KIAA1671: variants seen among roughly 807,000 people sequenced by gnomAD.
KIAA1671 encodes the protein KIAA1671.
KIAA1671 carries 52 observed loss-of-function variants against 131.2 expected under a neutral mutation model. The observed-to-expected ratio is 0.40, with a 90% confidence interval of 0.32 to 0.50. The LOEUF (loss-of-function observed/expected upper bound fraction) is 0.50, where lower values mean the gene tolerates loss of function less well. KIAA1671 is among the 20% of genes least tolerant of loss of function. The pLI, the probability that KIAA1671 is intolerant of heterozygous loss-of-function variation, is 0.73. For missense variants in KIAA1671, 2,360 were observed against 2,364.2 expected, an observed-to-expected ratio of 1.00 and a Z score of 0.04; for synonymous variants, 1,003 against 961.6, an observed-to-expected ratio of 1.04 and a Z score of -0.80.
chr22:25,157,254 C>G (rs983950829), intron 6 of KIAA1671, among the ~76,000 whole-genome samples: 1 of 152,236 alleles, frequency 6.6e-6, no homozygotes, highest in Admixed American at 6.5e-5. Context: ...TCCTCGTCCT[C>G]TAGTCACGCA....
chr22:25,042,500 A>G (rs2145809811), intron 5 of KIAA1671, among the ~76,000 whole-genome samples: 1 of 124,720 alleles, frequency 8.0e-6, no homozygotes, highest in South Asian at 2.5e-4. Flanking sequence ...GGAGTCTCAC[A>G]CTGTCACCTG....
chr22:25,048,701 A>G (rs1204828429), intron 5 of KIAA1671, among the ~76,000 whole-genome samples: 3 of 152,196 alleles, frequency 2.0e-5, no homozygotes, highest in African/African-American at 4.8e-5. Flanking sequence ...TGTGCTGTTC[A>G]TGCACCGTTT....
chr22:25,033,266 C>T (rs1926389350), intron 4 of KIAA1671, among the ~76,000 whole-genome samples: 1 of 151,884 alleles, frequency 6.6e-6, no homozygotes, highest in African/African-American at 2.4e-5. Context: ...TGTGGTTGTG[C>T]ATGCCTATAG....
intron 6 of KIAA1671, among the ~76,000 whole-genome samples, chr22:25,152,196 T>C (rs901590773): frequency 6.6e-6 from 1 of 152,248 alleles, no homozygotes; most frequent in African/African-American, 2.4e-5. Context: ...TTCTGTCTTA[T>C]AAATAATGCT....
chr22:25,099,539 TTTTTTG>T (rs371063487), intron 6 of KIAA1671, among the ~76,000 whole-genome samples: 11,800 of 29,814 alleles, frequency 0.4, 2,510 homozygotes, highest in African/African-American at 0.64. Flanking sequence ...AAATGTGGGT[TTTTTTG>T]TTTTTTTTTT....
chr22:25,050,876 G>A (rs1201044487), intron 6 of KIAA1671: 1 of 152,232 alleles, frequency 6.6e-6, no homozygotes, highest in Admixed American at 6.5e-5. Context: ...AGATAGCTCT[G>A]ACTTAGCTTA....
At chr22:25,025,243 A>G (rs967028471) in intron 1 of KIAA1671, among the ~76,000 whole-genome samples, 1 of 136,458 alleles carries the variant, frequency 7.3e-6, no homozygotes, top group Non-Finnish European at 1.6e-5. Context: ...ATTCTAGGCA[A>G]TCAGTCCTAT....
At chr22:25,155,214 T>C (rs1254418061) in intron 6 of KIAA1671, among the ~76,000 whole-genome samples, 1 of 152,252 alleles carries the variant, frequency 6.6e-6, no homozygotes, top group Non-Finnish European at 1.5e-5. Flanking sequence ...GCAGTCATTG[T>C]TTTGAATGGA....
chr22:25,032,476 A>T, intron 3 of KIAA1671, 133 bp from the exon 4 acceptor site: 1 of 539,052 alleles, frequency 1.9e-6, no homozygotes, highest in African/African-American at 1.9e-5. Flanking sequence ...CCCACTGGGC[A>T]GTTCTCCTTT....
At chr22:25,153,203 TA>T (rs2145980659) in intron 6 of KIAA1671, among the ~76,000 whole-genome samples, 1 of 152,342 alleles carries the variant, frequency 6.6e-6, no homozygotes, top group South Asian at 2.1e-4. Flanking sequence ...CATTGAAAGA[TA>T]TTTTTCCCAC....
chr22:25,009,217 T>G (rs1178884850), intron 1 of KIAA1671, among the ~76,000 whole-genome samples: 1 of 151,728 alleles, frequency 6.6e-6, no homozygotes, highest in Non-Finnish European at 1.5e-5. Flanking sequence ...GGGATGTTGT[T>G]TGGTGTTTAT....
intron 6 of KIAA1671, among the ~76,000 whole-genome samples, chr22:25,128,376 G>A (rs751358724): frequency 4.6e-4 from 70 of 152,214 alleles, no homozygotes; most frequent in Admixed American, 9.8e-4. Context: ...CAAGCTCCTA[G>A]CTGGCTTCAC....
Position 25,174,503 on chromosome 22 carries a change from C to T in KIAA1671, c.4899+14C>T. The T allele has an allele frequency of 6.7e-7, 1 of 1,493,540 alleles. No individual in the cohort carries two copies. The highest frequency in any genetic ancestry group is 9.0e-7 in the Non-Finnish European group (1 of 1,116,602). The allele number at this position is 1,493,540 out of a possible 1,614,324, so 92.5% of individuals were successfully genotyped here. A position where few individuals can be genotyped will look rare whatever the true frequency, so the allele number is the denominator to read the frequency against. On this transcript the variant is annotated intron_variant, in intron 8 of 12. Transcript: ENST00000358431. ...TCCTTCATTGATGTAAGTCAGTGGC[C>T]AGGAGCATTTCTTCTTAAATGGAAA...
At chr22:24,984,174 G>A (rs1199512054) in intron 1 of KIAA1671, among the ~76,000 whole-genome samples, 3 of 152,116 alleles carry the variant, frequency 2.0e-5, no homozygotes, top group Non-Finnish European at 4.4e-5. Context: ...AATTAGGAAG[G>A]GGCATGACAG....
intron 1 of KIAA1671, among the ~76,000 whole-genome samples, chr22:24,979,311 C>T (rs1351535062): frequency 4.0e-5 from 6 of 149,950 alleles, no homozygotes; most frequent in African/African-American, 7.3e-5. Flanking sequence ...CCACCATGCC[C>T]GGGCAACCAT....
intron 6 of KIAA1671, among the ~76,000 whole-genome samples, chr22:25,079,433 A>T (rs571794969): frequency 1.3e-5 from 2 of 152,150 alleles, no homozygotes; most frequent in African/African-American, 2.4e-5. Flanking sequence ...GGGTATGTGT[A>T]AGAACGTTGT....
intron 1 of KIAA1671, chr22:25,012,622 G>A (rs1925098877): frequency 6.6e-6 from 1 of 152,026 alleles, no homozygotes; most frequent in South Asian, 2.1e-4. Flanking sequence ...AAGGAACCTT[G>A]CAAAAACTCT....
chr22:25,019,718 A>G (rs1338018498), intron 1 of KIAA1671, among the ~76,000 whole-genome samples: 2 of 151,768 alleles, frequency 1.3e-5, no homozygotes, highest in Non-Finnish European at 2.9e-5. Context: ...TTCCCCTACC[A>G]ATTATCCTAA....
chr22:24,972,113 A>G (rs1321783172), intron 1 of KIAA1671, among the ~76,000 whole-genome samples: 1 of 152,210 alleles, frequency 6.6e-6, no homozygotes. Context: ...ATTGCAGAAC[A>G]TGAAGGAAAA....
Sources: gnomAD v4.1 joint callset for allele counts (sites outside exome capture counted in the v4.1 genomes callset) on GRCh38, gnomAD v4.1.1 for gene constraint, MANE v1.5 for transcripts, NCBI Gene and HGNC (gene_info 2026-07-23, HGNC 2026-07-21) for gene names.